The following USP32 variants were observed in gnomAD, a reference collection of about 807,000 sequenced individuals.
USP32 encodes the protein ubiquitin specific peptidase 32.
A neutral mutation model predicts 204.8 loss-of-function variants in USP32; 59 were observed. That is an observed-to-expected ratio of 0.29 (90% CI 0.23 to 0.36). The LOEUF (loss-of-function observed/expected upper bound fraction) is 0.36. Ranked by LOEUF, USP32 falls within the 10% of genes least tolerant of loss-of-function variation. The pLI, the probability that USP32 is intolerant of heterozygous loss-of-function variation, is 1.00. For synonymous variants in USP32, 517 were observed against 678.4 expected, an observed-to-expected ratio of 0.76 and a Z score of 3.70; for missense variants, 1,160 against 1,946.4, an observed-to-expected ratio of 0.60 and a Z score of 7.60.
chr17:60,422,132 C>T (rs1352703042), intron 1 of USP32: 2 of 313,798 alleles, frequency 6.4e-6, no homozygotes, highest in Non-Finnish European at 1.1e-5. Context: ...ACCTCTGTCC[C>T]AAATCAGAAA....
intron 11 of USP32, among the ~76,000 whole-genome samples, chr17:60,250,757 G>C (rs2086144755): frequency 1.3e-5 from 2 of 151,988 alleles, no homozygotes; most frequent in South Asian, 4.2e-4. Context: ...TTCAAGACCA[G>C]CCTGGGCAAT....
intron 2 of USP32, among the ~76,000 whole-genome samples, chr17:60,337,372 T>C (rs2088547438): frequency 6.6e-6 from 1 of 152,220 alleles, no homozygotes; most frequent in South Asian, 2.1e-4. Context: ...AGGTTAAGTG[T>C]TCAAAGCTTG....
intron 11 of USP32, 60 bp from the exon 12 acceptor site, chr17:60,236,300 A>C: frequency 7.2e-7 from 1 of 1,383,732 alleles, no homozygotes; most frequent in Admixed American, 1.8e-5. Flanking sequence ...GGCAACGCAC[A>C]AAAATTATCA....
intron 9 of USP32, among the ~76,000 whole-genome samples, chr17:60,257,389 G>A (rs886677002): frequency 8.5e-5 from 13 of 152,188 alleles, no homozygotes; most frequent in African/African-American, 2.2e-4. Flanking sequence ...CTCATTCTGC[G>A]TAAACTCTAC....
At chr17:60,286,475 A>C (rs1038519410) in intron 5 of USP32, among the ~76,000 whole-genome samples, 11 of 152,198 alleles carry the variant, frequency 7.2e-5, no homozygotes, top group Non-Finnish European at 1.5e-4. Context: ...GGGGTCACCA[A>C]AAAATGGAAG....
At chr17:60,393,907 C>A (rs1266067404), upstream of USP32, among the ~76,000 whole-genome samples, 1 of 152,146 alleles carries the variant, frequency 6.6e-6, no homozygotes, top group Non-Finnish European at 1.5e-5. Context: ...TGTTCTCGAA[C>A]TCGCAACCTC....
intron 12 of USP32, among the ~76,000 whole-genome samples, 200 bp from the exon 13 acceptor site, chr17:60,226,431 A>G (rs1015384565): frequency 5.9e-5 from 9 of 152,236 alleles, no homozygotes; most frequent in African/African-American, 2.2e-4. Context: ...TTGGCAAGGT[A>G]GACAAAACAG....
chr17:60,281,130 T>C (rs989170113), intron 5 of USP32, among the ~76,000 whole-genome samples: 2 of 152,248 alleles, frequency 1.3e-5, no homozygotes, highest in African/African-American at 2.4e-5. Context: ...CAGCCCTCTA[T>C]TTGAAAATTT....
At chr17:60,403,576 C>G (rs939690009) in intron 1 of USP32, among the ~76,000 whole-genome samples, 4 of 152,186 alleles carry the variant, frequency 2.6e-5, no homozygotes, top group Non-Finnish European at 4.4e-5. Flanking sequence ...TAACGCTCCT[C>G]AGGTGTGGTT....
intron 2 of USP32, among the ~76,000 whole-genome samples, chr17:60,329,626 A>G (rs1009298982): frequency 6.6e-6 from 1 of 152,088 alleles, no homozygotes; most frequent in Non-Finnish European, 1.5e-5. Context: ...AATTTATAGA[A>G]TAGAACACTC....
chr17:60,208,184 C>G lies in USP32; in HGVS notation c.2800G>C (p.Val934Leu). The G allele has an allele frequency of 6.3e-7, 1 of 1,580,082 alleles. No homozygotes were observed. Among genetic ancestry groups the G allele is most frequent in the Non-Finnish European group, 8.6e-7 (1 of 1,165,444 alleles). ...ATATTCAGTCTTAGTCCATACCGTA[C>G]AGGGGTAGTACCATCTAACTTAATC... ...TVIKLDGTTPVRYGLRLNMDE... is the reference protein window; with the variant it reads ...TVIKLDGTTPLRYGLRLNMDE... Residue 934 changes from valine to leucine, a missense_variant, in exon 24 of 34, where the codon GTA becomes CTA. Coordinates refer to ENST00000300896, the MANE Select transcript of USP32 (RefSeq NM_032582.4).
chr17:60,223,360 A>G, intron 14 of USP32, 51 bp downstream of exon 14: 2 of 1,521,334 alleles, frequency 1.3e-6, no homozygotes, highest in East Asian at 2.3e-5. Flanking sequence ...AATGAAATTT[A>G]TTAATAGCTT....
At chr17:60,325,842 T>C (rs567276971) in intron 2 of USP32, among the ~76,000 whole-genome samples, 27 of 151,948 alleles carry the variant, frequency 1.8e-4, no homozygotes, top group African/African-American at 2.4e-4. Context: ...GGCAGGAAGA[T>C]TGCTTGAGCC....
At chr17:60,349,597 ATATATATATAT>A (rs1246072245) in intron 1 of USP32, among the ~76,000 whole-genome samples, 1 of 38,554 alleles carries the variant, frequency 2.6e-5, no homozygotes, top group Non-Finnish European at 4.5e-5. Flanking sequence ...AAAAAAAAAA[ATATATATATAT>A]ATATATATAT....
chr17:60,223,697 T>A, intron 13 of USP32, 111 bp from the exon 14 acceptor site: 1 of 873,066 alleles, frequency 1.1e-6, no homozygotes, highest in Non-Finnish European at 1.7e-6. Flanking sequence ...GACATGTCAG[T>A]ACAGATTAAG....
At chr17:60,272,830 G>A (rs1458719631) in intron 5 of USP32, among the ~76,000 whole-genome samples, 1 of 152,200 alleles carries the variant, frequency 6.6e-6, no homozygotes, top group Non-Finnish European at 1.5e-5. Context: ...ACAGAGTACT[G>A]GAGAGGAAAG....
chr17:60,272,300 GAGT>G (rs1452625530), intron 5 of USP32, among the ~76,000 whole-genome samples: 2 of 152,294 alleles, frequency 1.3e-5, no homozygotes, highest in Admixed American at 6.5e-5. Flanking sequence ...AGAGAAGATG[GAGT>G]AGGAGTCCCT....
rs778725783 is a variant in USP32, at chr17:60,229,812, T to C, written c.1240-3581A>G. 5.9e-5 allele frequency among the ~76,000 whole-genome samples: 9 copies of C among 152,176 alleles called. No homozygotes were observed. In the South Asian group the frequency reaches 8.3e-4, roughly 14 times the overall value. ...TAAAGTTGATGCATTACAAATTACT[T>C]TTTTTTTCCTTCTTTTTTTGAGACA... is the stretch of plus-strand genomic sequence containing the variant. On this transcript the variant is annotated intron_variant, in intron 12 of 33. Coordinates refer to ENST00000300896, the MANE Select transcript of USP32 (RefSeq NM_032582.4).
intron 11 of USP32, among the ~76,000 whole-genome samples, chr17:60,239,498 T>C (rs978130539): frequency 2.0e-5 from 3 of 152,204 alleles, no homozygotes; most frequent in Admixed American, 2.0e-4. Context: ...CTGTTCATTT[T>C]TCGTCATTCT....
Sources: gnomAD v4.1 joint callset for allele counts (sites outside exome capture counted in the v4.1 genomes callset) on GRCh38, gnomAD v4.1.1 for gene constraint, MANE v1.5 for transcripts, NCBI Gene and HGNC (gene_info 2026-07-23, HGNC 2026-07-21) for gene names.